The following TIAM1 variants were observed in gnomAD, a reference collection of about 807,000 sequenced individuals.
The protein encoded by TIAM1 is rho guanine nucleotide exchange factor TIAM1.
In TIAM1, 65 loss-of-function variants were observed where a neutral mutation model predicts 163.5. The observed-to-expected ratio is 0.40, with a 90% CI of 0.33 to 0.49. TIAM1 has a LOEUF of 0.49. Ranked by LOEUF, TIAM1 falls within the 20% of genes least tolerant of loss-of-function variation. TIAM1 has a pLI of 0.77. For missense variants in TIAM1, 1,789 were observed against 2,044.7 expected (o/e 0.87, Z 2.41); for synonymous variants, 833 against 810.1 (o/e 1.03, Z -0.48).
chr21:31,147,401 C>A (rs956309841), intron 19 of TIAM1, among the ~76,000 whole-genome samples: 1 of 151,986 alleles, frequency 6.6e-6, no homozygotes, highest in African/African-American at 2.4e-5. Context: ...ACCTCCCGCC[C>A]CCGAAGCAGA....
At chr21:31,181,327 G>C (rs1293692265) in intron 15 of TIAM1, among the ~76,000 whole-genome samples, 1 of 152,150 alleles carries the variant, frequency 6.6e-6, no homozygotes, top group Non-Finnish European at 1.5e-5. Context: ...ACACAAGCAA[G>C]TAAGAATCGC....
chr21:31,521,415 A>T (rs907075337), intron 1 of TIAM1, among the ~76,000 whole-genome samples: 1 of 152,202 alleles, frequency 6.6e-6, no homozygotes. Flanking sequence ...TATTCACATC[A>T]CAAATGATGT....
intron 2 of TIAM1, among the ~76,000 whole-genome samples, chr21:31,419,974 G>A (rs982469445): frequency 1.3e-5 from 2 of 152,168 alleles, no homozygotes; most frequent in East Asian, 1.9e-4. Context: ...GCTTGAACCC[G>A]AGAGGTGGAG....
chr21:31,369,039 A>AC, intron 2 of TIAM1, among the ~76,000 whole-genome samples: 1 of 139,530 alleles, frequency 7.2e-6, no homozygotes, highest in Admixed American at 6.8e-5. Flanking sequence ...GGAGATAGAG[A>AC]CATGGTGAAA....
intron 2 of TIAM1, among the ~76,000 whole-genome samples, chr21:31,291,298 C>T (rs768671332): frequency 9.8e-5 from 15 of 152,302 alleles, no homozygotes; most frequent in Non-Finnish European, 1.9e-4. Flanking sequence ...TTATACAAAA[C>T]TTTTCTCCTC....
intron 1 of TIAM1, among the ~76,000 whole-genome samples, chr21:31,515,967 G>A (rs7281136): frequency 0.019 from 2,901 of 151,648 alleles, 91 homozygotes; most frequent in African/African-American, 0.067. Context: ...AATTAGCTGG[G>A]TGTGGTGGTG....
intron 12 of TIAM1, among the ~76,000 whole-genome samples, chr21:31,197,482 T>C (rs1410058089): frequency 6.6e-6 from 1 of 151,320 alleles, no homozygotes; most frequent in African/African-American, 2.4e-5. Context: ...TTCACGCCAT[T>C]GTCCTGCCTC....
At chr21:31,557,832 C>A (rs1020891804) in intron 1 of TIAM1, among the ~76,000 whole-genome samples, 1 of 152,156 alleles carries the variant, frequency 6.6e-6, no homozygotes, top group Non-Finnish European at 1.5e-5. Context: ...GGAGACGCGA[C>A]GACTGGAACC....
chr21:31,344,730 T>C (rs959555552), upstream of TIAM1, among the ~76,000 whole-genome samples: 16 of 152,182 alleles, frequency 1.1e-4, no homozygotes, highest in African/African-American at 3.6e-4. Context: ...TTTTCTTTCA[T>C]ATGTACTAGA....
chr21:31,554,201 C>T (rs985462974), intron 1 of TIAM1, among the ~76,000 whole-genome samples: 4 of 152,136 alleles, frequency 2.6e-5, no homozygotes, highest in Non-Finnish European at 5.9e-5. Flanking sequence ...ACTGAATCCT[C>T]ATAGCCCAAT....
intron 1 of TIAM1, among the ~76,000 whole-genome samples, chr21:31,545,431 G>A (rs1028132930): frequency 6.6e-6 from 1 of 152,148 alleles, no homozygotes; most frequent in Non-Finnish European, 1.5e-5. Context: ...CTTGTTACCG[G>A]GAGGAAACTA....
intron 2 of TIAM1, among the ~76,000 whole-genome samples, chr21:31,354,859 C>T (rs2076289665): frequency 6.6e-6 from 1 of 152,142 alleles, no homozygotes; most frequent in African/African-American, 2.4e-5. Flanking sequence ...GACAACCTGC[C>T]CAGCTGACAA....
At chr21:31,135,466 C>G (rs1013964012) in intron 23 of TIAM1, among the ~76,000 whole-genome samples, 1 of 152,208 alleles carries the variant, frequency 6.6e-6, no homozygotes, top group Admixed American at 6.5e-5. Flanking sequence ...CACAACAGCT[C>G]AGCTGAGAAC....
intron 2 of TIAM1, among the ~76,000 whole-genome samples, chr21:31,399,788 A>T (rs573008184): frequency 6.6e-5 from 10 of 152,320 alleles, no homozygotes; most frequent in Non-Finnish European, 1.5e-4. Flanking sequence ...ACAAATAGAC[A>T]TGCCTTTCCC....
chr21:31,215,265 CAT>C (rs1569042510), intron 9 of TIAM1, among the ~76,000 whole-genome samples: 1 of 152,076 alleles, frequency 6.6e-6, no homozygotes, highest in Non-Finnish European at 1.5e-5. Context: ...GCAGAAGACA[CAT>C]ACACAATGAC....
chr21:31,143,064 G>A (rs1227117570), intron 20 of TIAM1, among the ~76,000 whole-genome samples: 1 of 152,102 alleles, frequency 6.6e-6, no homozygotes, highest in Non-Finnish European at 1.5e-5. Flanking sequence ...AGCACCTGGG[G>A]GTGATGGGGG....
At chr21:31,412,689 G>A (rs546176779) in intron 2 of TIAM1, among the ~76,000 whole-genome samples, 2 of 151,024 alleles carry the variant, frequency 1.3e-5, no homozygotes, top group South Asian at 4.2e-4. Flanking sequence ...GGCTGAGGAA[G>A]GAGAATCACT....
intron 22 of TIAM1, among the ~76,000 whole-genome samples, chr21:31,140,673 A>G (rs942289429): frequency 6.6e-6 from 1 of 152,188 alleles, no homozygotes; most frequent in Non-Finnish European, 1.5e-5. Flanking sequence ...TGCTCTTCTA[A>G]GTAGGTTTTT....
At chr21:31,353,267 A>G (rs925562477) in intron 2 of TIAM1, among the ~76,000 whole-genome samples, 2 of 152,202 alleles carry the variant, frequency 1.3e-5, no homozygotes, top group African/African-American at 4.8e-5. Flanking sequence ...AATGTTACAC[A>G]TGTTAACTGA....
Sources: allele counts gnomAD v4.1 joint callset (sites outside exome capture counted in the v4.1 genomes callset), GRCh38; gene constraint gnomAD v4.1.1; transcripts MANE v1.5; gene names NCBI Gene and HGNC (gene_info 2026-07-23, HGNC 2026-07-21).